PRKAR1B: variants seen among roughly 807,000 people sequenced by gnomAD.
PRKAR1B encodes cAMP-dependent protein kinase type I-beta regulatory subunit.
In PRKAR1B, 22 loss-of-function variants were observed where a neutral mutation model predicts 46.5. The observed-to-expected ratio is 0.47, with a 90% CI of 0.34 to 0.68. The LOEUF is 0.68. Ranked by LOEUF, PRKAR1B falls within the 30% of genes least tolerant of loss-of-function variation. The pLI is 0.01. For synonymous variants in PRKAR1B, 259 were observed against 217.7 expected, an observed-to-expected ratio of 1.19 and a Z score of -1.67; for missense variants, 445 against 535.6, an observed-to-expected ratio of 0.83 and a Z score of 1.67.
chr7:715,103 T>C (rs1400799775), intron 1 of PRKAR1B, among the ~76,000 whole-genome samples: 3 of 152,046 alleles, frequency 2.0e-5, no homozygotes, highest in Non-Finnish European at 4.4e-5. Flanking sequence ...GGAGAATCAC[T>C]TGAACTCCAG....
chr7:683,655 G>A (rs1352367515), intron 2 of PRKAR1B, among the ~76,000 whole-genome samples: 4 of 152,254 alleles, frequency 2.6e-5, no homozygotes, highest in Non-Finnish European at 4.4e-5. Context: ...ACAGACCAGA[G>A]TGGGCCTGGC....
At chr7:624,781 G>A (rs921602229) in intron 4 of PRKAR1B, among the ~76,000 whole-genome samples, 5 of 152,156 alleles carry the variant, frequency 3.3e-5, no homozygotes, top group Non-Finnish European at 7.3e-5. Context: ...AGACTTTAAC[G>A]CCCCTCAGCT....
At position 727,260 on chromosome 7, in the gene PRKAR1B, C is replaced by T; in HGVS notation, c.-73G>A. ...GCTGCTCCCTGCTCGACCCCTTCGC[C>T]GCCGTGCGCCGCGAGAGCTGCAGCT... On this transcript the variant is annotated 5_prime_UTR_variant, in exon 1 of 11. Coordinates refer to ENST00000537384, the MANE Select transcript of PRKAR1B (RefSeq NM_001164760.2). The T allele has an allele frequency of 3.0e-6, 4 of 1,331,894 alleles. No individual in the cohort carries two copies. The highest frequency in any genetic ancestry group is 2.9e-6 in the Non-Finnish European group (3 of 1,045,334). The allele number at this position is 1,331,894 out of a possible 1,614,324, so 82.5% of individuals were successfully genotyped here.
chr7:724,548 C>A (rs537226638), intron 1 of PRKAR1B, among the ~76,000 whole-genome samples: 1 of 152,326 alleles, frequency 6.6e-6, no homozygotes, highest in Non-Finnish European at 1.5e-5. Flanking sequence ...GTAAACCTTT[C>A]CCTGTATAAG....
rs138179985 is a variant in PRKAR1B at position 689,257 on chromosome 7, G to C, written c.178-8531C>G. Among the ~76,000 whole-genome samples the C allele has an allele frequency of 8.5e-3, 1,293 of 152,012 alleles. 13 individuals are homozygous for C. The highest frequency in any genetic ancestry group is 0.031 in the Middle Eastern group (9 of 294). The stretch of plus-strand genomic sequence containing the variant: ...CTGCCTCAGCCTCCCAAGTAGCTGG[G>C]ACTACAGGCGCCCACCACCACACCC... On this transcript the variant is annotated intron_variant, in intron 2 of 10. Transcript: ENST00000537384.
At chr7:572,563 G>A (rs1779580144) in intron 9 of PRKAR1B, among the ~76,000 whole-genome samples, 1 of 152,146 alleles carries the variant, frequency 6.6e-6, no homozygotes, top group African/African-American at 2.4e-5. Flanking sequence ...TGTGAGCAGG[G>A]GCTGTTTTCC....
At chr7:599,051 C>T (rs1308264663) in intron 6 of PRKAR1B, among the ~76,000 whole-genome samples, 2 of 152,228 alleles carry the variant, frequency 1.3e-5, no homozygotes, top group African/African-American at 4.8e-5. Context: ...GAAGCTGGAC[C>T]AGGACGCGCT....
At position 659,197 on chromosome 7, in the gene PRKAR1B, C is replaced by T. The variant is rs117715123; in HGVS notation, c.440+18032G>A. Among the ~76,000 whole-genome samples the T allele has an allele frequency of 5.4e-3, 817 of 152,302 alleles. 3 individuals are homozygous for T. The highest frequency in any genetic ancestry group is 0.01 in the Middle Eastern group (3 of 294). On this transcript the variant is annotated intron_variant, in intron 4 of 10. Transcript: ENST00000537384. ...TTTCAGCACGTCTCACTGCCTCATC[C>T]TATATTCTAACAATTTATTTCATTT... is the stretch of plus-strand genomic sequence containing the variant.
intron 6 of PRKAR1B, among the ~76,000 whole-genome samples, chr7:604,922 G>C (rs1345377740): frequency 6.6e-6 from 1 of 152,254 alleles, no homozygotes; most frequent in African/African-American, 2.4e-5. Flanking sequence ...CAGCCAGCCT[G>C]GGAAGCAGTG....
intron 2 of PRKAR1B, among the ~76,000 whole-genome samples, chr7:693,021 G>C (rs556531443): frequency 6.6e-6 from 1 of 151,640 alleles, no homozygotes; most frequent in African/African-American, 2.4e-5. Context: ...TGCAAGCTCC[G>C]CCTCCCGGTT....
At chr7:677,190 G>A in intron 4 of PRKAR1B, 39 bp downstream of exon 4, 1 of 1,600,436 alleles carries the variant, frequency 6.2e-7, no homozygotes, top group Non-Finnish European at 8.6e-7. Context: ...GGCCGAGGAG[G>A]GCGGCGGTGA....
chr7:708,250 C>T (rs1638353713), intron 2 of PRKAR1B, among the ~76,000 whole-genome samples: 1 of 151,984 alleles, frequency 6.6e-6, no homozygotes, highest in African/African-American at 2.4e-5. Context: ...TTCTCCCACA[C>T]AGACCCAGAA....
chr7:567,981 G>A (rs1779278638), intron 9 of PRKAR1B, among the ~76,000 whole-genome samples: 1 of 152,188 alleles, frequency 6.6e-6, no homozygotes, highest in African/African-American at 2.4e-5. Flanking sequence ...AAAATGACCT[G>A]CTTAATGCCA....
intron 3 of PRKAR1B, among the ~76,000 whole-genome samples, chr7:679,922 G>C (rs768015874): frequency 6.6e-6 from 1 of 152,110 alleles, no homozygotes; most frequent in Non-Finnish European, 1.5e-5. Flanking sequence ...ACTTTGGGAG[G>C]CCAAGACGGG....
At chr7:617,149 A>G (rs989021536) in intron 4 of PRKAR1B, among the ~76,000 whole-genome samples, 1 of 152,060 alleles carries the variant, frequency 6.6e-6, no homozygotes, top group African/African-American at 2.4e-5. Context: ...ACACACTGCC[A>G]TGCCCAGCTA....
In PRKAR1B at chr7:594,410, G is replaced by A. The variant is rs376352871; in HGVS notation, c.708+1736C>T. On this transcript the variant is annotated intron_variant, in intron 7 of 10. Transcript: ENST00000537384. ...CCGAAGGAGAGGGCTCGGAGCAGAC[G>A]CTGTCCGGGGCTGCATTGGCAACAA... is the stretch of plus-strand genomic sequence containing the variant. Among the ~76,000 whole-genome samples the A allele has an allele frequency of 5.9e-5, 9 of 152,262 alleles. No homozygotes were observed. The East Asian group carries it at 9.7e-4, about 16-fold the overall frequency.
chr7:619,243 C>A (rs1396104375), intron 4 of PRKAR1B, among the ~76,000 whole-genome samples: 1 of 152,222 alleles, frequency 6.6e-6, no homozygotes, highest in Non-Finnish European at 1.5e-5. Context: ...GCCAGATCCC[C>A]ACACACAGCC....
intron 4 of PRKAR1B, among the ~76,000 whole-genome samples, chr7:657,894 C>T (rs1785296681): frequency 2.6e-5 from 4 of 152,112 alleles, no homozygotes; most frequent in African/African-American, 4.8e-5. Context: ...CATGAACCAG[C>T]GAGGCTTGCG....
chr7:551,055 A>G (rs1046930066), intron 10 of PRKAR1B, among the ~76,000 whole-genome samples: 1 of 151,806 alleles, frequency 6.6e-6, no homozygotes, highest in African/African-American at 2.4e-5. Context: ...GCCTCCCTCA[A>G]GCCCACCCAC....
Sources: gnomAD v4.1 joint callset for allele counts (sites outside exome capture counted in the v4.1 genomes callset) on GRCh38, gnomAD v4.1.1 for gene constraint, MANE v1.5 for transcripts, NCBI Gene and HGNC (gene_info 2026-07-23, HGNC 2026-07-21) for gene names.